Variants in TSPAN2 observed in about 807,000 individuals in gnomAD.
TSPAN2 encodes the protein tetraspanin-2.
In TSPAN2, 24 loss-of-function variants were observed where a neutral mutation model predicts 33.3. The ratio of observed to expected loss-of-function variants is 0.72; its 90% CI spans 0.52 to 1.01. TSPAN2 has a LOEUF of 1.01. Among genes scored for constraint, TSPAN2 ranks in the 50% least tolerant of loss-of-function variants. The pLI, the probability that TSPAN2 is intolerant of heterozygous loss-of-function variation, is 0.00. For synonymous variants in TSPAN2, 114 were observed against 104.5 expected (o/e 1.09, Z -0.56); for missense variants, 278 against 281.3 (o/e 0.99, Z 0.08).
rs1241240393 is a variant in TSPAN2, at chr1:115,049,612, A to G, written c.*878T>C. On this transcript the variant is annotated 3_prime_UTR_variant, in exon 8 of 8. Transcript: ENST00000369516. ...GTCTTTTTTCCTTATATTTGGAGAA[A>G]CAGAAGAGTTTGACATAAAAGTCCC... 6.6e-6 allele frequency: 1 copy of G among 152,614 alleles called. No homozygotes were observed. Among genetic ancestry groups the G allele is most frequent in the Non-Finnish European group, 1.5e-5 (1 of 68,016 alleles). The allele number at this position is 152,614 out of a possible 1,614,324, so 9.5% of individuals were successfully genotyped here. A position where few individuals can be genotyped will look rare whatever the true frequency, so the allele number is the denominator to read the frequency against.
chr1:115,056,029 A>G (rs1208426753), intron 6 of TSPAN2, among the ~76,000 whole-genome samples: 1 of 152,162 alleles, frequency 6.6e-6, no homozygotes, highest in African/African-American at 2.4e-5. Flanking sequence ...GCATAAACAT[A>G]CTTAATCCTC....
chr1:115,071,766 A>C (rs1648183524), intron 2 of TSPAN2, among the ~76,000 whole-genome samples: 1 of 152,214 alleles, frequency 6.6e-6, no homozygotes, highest in Admixed American at 6.5e-5. Context: ...CTCCTCTAAA[A>C]GTATCCTAAC....
At chr1:115,053,928 C>G (rs1647284792) in intron 6 of TSPAN2, among the ~76,000 whole-genome samples, 2 of 152,184 alleles carry the variant, frequency 1.3e-5, no homozygotes, top group South Asian at 2.1e-4. Context: ...AAAGTCTTAA[C>G]AGGTTCAAGT....
chr1:115,054,158 A>T (rs1647294285), intron 6 of TSPAN2, among the ~76,000 whole-genome samples: 1 of 152,176 alleles, frequency 6.6e-6, no homozygotes, highest in Admixed American at 6.5e-5. Flanking sequence ...AGTTTCTCCA[A>T]CTTCAAACAC....
At chr1:115,082,676 C>T (rs1648671894) in intron 1 of TSPAN2, among the ~76,000 whole-genome samples, 1 of 152,198 alleles carries the variant, frequency 6.6e-6, no homozygotes, top group East Asian at 1.9e-4. Flanking sequence ...TGCTTCTTCT[C>T]CCATATGCCT....
At chr1:115,069,006 C>T (rs1474351329) in intron 2 of TSPAN2, among the ~76,000 whole-genome samples, 1 of 152,174 alleles carries the variant, frequency 6.6e-6, no homozygotes, top group African/African-American at 2.4e-5. Context: ...AGGTGTTTAT[C>T]CACAGCCTGT....
intron 7 of TSPAN2, among the ~76,000 whole-genome samples, chr1:115,051,888 C>T (rs59044827): frequency 0.018 from 2,743 of 152,262 alleles, 82 homozygotes; most frequent in African/African-American, 0.062. Context: ...AAAGAACTAA[C>T]GAAGAAACCT....
chr1:115,056,203 A>G (rs1647414795), intron 6 of TSPAN2, among the ~76,000 whole-genome samples: 3 of 152,192 alleles, frequency 2.0e-5, no homozygotes, highest in Non-Finnish European at 4.4e-5. Context: ...TTAATTTGCT[A>G]TTGATTTTAA....
intron 6 of TSPAN2, among the ~76,000 whole-genome samples, chr1:115,056,100 CG>C (rs1337144257): frequency 6.6e-6 from 1 of 152,104 alleles, no homozygotes; most frequent in Admixed American, 6.5e-5. Context: ...AAAATGCTCA[CG>C]ACATCACGTT....
chr1:115,060,484 CA>C lies in TSPAN2; in HGVS notation c.324del (p.Phe108LeufsTer4). 1.9e-6 allele frequency: 3 copies of C among 1,613,314 alleles called. No individual in the cohort carries two copies. The highest frequency in any genetic ancestry group is 2.5e-6 in the Non-Finnish European group (3 of 1,179,634). On this transcript the variant is annotated frameshift_variant, in exon 4 of 8. Transcript: ENST00000369516. LOFTEE classifies it high-confidence loss of function. ...CTTACTACCCCCTTGCCTATAAAAG[CA>C]AATACTCCAGTGGTTACTTCAGCAG... ...IFAAEVTTGV[F>X]AFIGKGVAIR...
At chr1:115,053,322 T>C (rs1027978712) in intron 7 of TSPAN2, 57 bp downstream of exon 7, 28 of 1,473,318 alleles carry the variant, frequency 1.9e-5, no homozygotes, top group Non-Finnish European at 2.6e-5. Flanking sequence ...AGAAATAAGA[T>C]GCAAAGTTTC....
rs772777284 is a variant in TSPAN2 at position 115,058,922 on chromosome 1, C to G, written c.405G>C (p.Arg135Ser). ...EEAYNDYLKD[R>S]GKGNGTLITF... Reference sequence around the variant, plus strand: ...TGATGAGTGTCCCATTGCCTTTTCCCCTGTCTTTAAGGTAATCATTGTAAG... The same window carrying G: ...TGATGAGTGTCCCATTGCCTTTTCCGCTGTCTTTAAGGTAATCATTGTAAG... The change falls in exon 5 of 8, where the codon AGG becomes AGC. Residue 135 changes from arginine (R) to serine (S), a missense_variant. Transcript: ENST00000369516. The G allele has an allele frequency of 6.2e-7, 1 of 1,613,940 alleles. No homozygotes were observed. The highest frequency in any genetic ancestry group is 8.5e-7 in the Non-Finnish European group (1 of 1,179,982).
intron 1 of TSPAN2, among the ~76,000 whole-genome samples, chr1:115,081,054 TA>T (rs1357417754): frequency 2.0e-5 from 3 of 152,214 alleles, no homozygotes; most frequent in African/African-American, 7.2e-5. Flanking sequence ...TGACAGTGGT[TA>T]AAAAAATGTT....
Position 115,049,679 on chromosome 1 carries a change from A to C in TSPAN2, c.*811T>G, listed in dbSNP as rs1373160809. Reference sequence around the variant, plus strand: ...TTGCAGTAGTTTACAGCAGGGTCAGAAAATGAAAGTAATAAAGCAATATTT... The same window carrying C: ...TTGCAGTAGTTTACAGCAGGGTCAGCAAATGAAAGTAATAAAGCAATATTT... On this transcript the variant is annotated 3_prime_UTR_variant, in exon 8 of 8. Transcript: ENST00000369516. 1.3e-5 allele frequency: 2 copies of C among 152,620 alleles called. No individual in the cohort carries two copies. The highest frequency in any genetic ancestry group is 1.3e-4 in the Admixed American group (2 of 15,280). The allele number at this position is 152,620 out of a possible 1,614,324, so 9.5% of individuals were successfully genotyped here. A position where few individuals can be genotyped will look rare whatever the true frequency, so the allele number is the denominator to read the frequency against.
At chr1:115,089,318 C>CCCCCCGCCCCCAGCCCAG in intron 1 of TSPAN2, 46 bp downstream of exon 1, 4 of 1,456,350 alleles carry the variant, frequency 2.7e-6, no homozygotes, top group Non-Finnish European at 3.7e-6. Context: ...CCGCGCCCGC[C>CCCCCCGCCCCCAGCCCAG]ACCCGGCCCC....
chr1:115,056,451 C>T (rs781583754), intron 6 of TSPAN2, among the ~76,000 whole-genome samples: 3 of 152,154 alleles, frequency 2.0e-5, no homozygotes, highest in Admixed American at 6.5e-5. Context: ...TATTAGTAGA[C>T]CTTCTTAGGC....
intron 6 of TSPAN2, 120 bp downstream of exon 6, chr1:115,057,417 A>G (rs1647474818): frequency 2.1e-6 from 2 of 937,308 alleles, no homozygotes; most frequent in Non-Finnish European, 3.5e-6. Context: ...TCAATCCTCT[A>G]TGCTGCCACT....
intron 7 of TSPAN2, among the ~76,000 whole-genome samples, chr1:115,052,618 A>G (rs375674663): frequency 3.3e-5 from 5 of 152,260 alleles, no homozygotes; most frequent in Middle Eastern, 3.4e-3. Context: ...AACTCCTGCC[A>G]TACCTGTCCG....
chr1:115,067,363 A>G (rs1261528002), intron 2 of TSPAN2, among the ~76,000 whole-genome samples: 1 of 152,256 alleles, frequency 6.6e-6, no homozygotes, highest in African/African-American at 2.4e-5. Context: ...GCTGGGAGCC[A>G]GAAATCCAGG....
Sources: allele counts gnomAD v4.1 joint callset (sites outside exome capture counted in the v4.1 genomes callset), GRCh38; gene constraint gnomAD v4.1.1; transcripts MANE v1.5; gene names NCBI Gene and HGNC (gene_info 2026-07-23, HGNC 2026-07-21).